DAB2: variants seen among roughly 807,000 people sequenced by gnomAD.
DAB2 encodes the protein disabled homolog 2.
Under a neutral mutation model 71.6 loss-of-function variants are expected in DAB2, and 28 were observed. The ratio of observed to expected loss-of-function variants is 0.39; its 90% CI spans 0.29 to 0.54. The LOEUF is 0.54. DAB2 is among the 20% of genes least tolerant of loss of function. The probability of loss-of-function intolerance (pLI) is 0.68; values close to 1 mark genes in which losing one functional copy is unlikely to be tolerated. For synonymous variants in DAB2, 345 were observed against 339.7 expected (o/e 1.02, Z -0.17); for missense variants, 867 against 928.8 (o/e 0.93, Z 0.86).
At chr5:39,401,730 G>GTTATTTATTTATTTATTTATTTAT (rs55909785) in intron 1 of DAB2, among the ~76,000 whole-genome samples, 7 of 141,196 alleles carry the variant, frequency 5.0e-5, no homozygotes, top group South Asian at 2.3e-4. Flanking sequence ...CTGAGACTGG[G>GTTATTTATTTATTTATTTATTTAT]TTATTTATTT....
In DAB2 at chr5:39,372,777, A is replaced by G. The variant is rs1754731256; in HGVS notation, c.*654T>C. 4 of 152,176 alleles carry G rather than the reference A, an allele frequency of 2.6e-5. No homozygotes were observed. The South Asian group carries it at 8.3e-4, about 32-fold the overall frequency. The allele number at this position is 152,176 out of a possible 1,614,324, so 9.4% of individuals were successfully genotyped here. A position where few individuals can be genotyped will look rare whatever the true frequency, so the allele number is the denominator to read the frequency against. On this transcript the variant is annotated 3_prime_UTR_variant, in exon 15 of 15. Transcript: ENST00000320816. ...TGTTCTTCCCTCATTTGCAATAGCT[A>G]GCAAGAAATGGGAGAAAAGGACAAT...
At chr5:39,409,233 T>C (rs914339777) in intron 1 of DAB2, among the ~76,000 whole-genome samples, 10 of 152,172 alleles carry the variant, frequency 6.6e-5, no homozygotes, top group Admixed American at 5.9e-4. Context: ...ACATCTGTCA[T>C]TATTCTCTCA....
At chr5:39,398,338 G>A (rs1003230001) in intron 1 of DAB2, among the ~76,000 whole-genome samples, 1 of 152,028 alleles carries the variant, frequency 6.6e-6, no homozygotes, top group African/African-American at 2.4e-5. Context: ...TAAGGTGAGT[G>A]GCATTACCTT....
chr5:39,403,168 G>A (rs1755539732), intron 1 of DAB2, among the ~76,000 whole-genome samples: 1 of 152,110 alleles, frequency 6.6e-6, no homozygotes. Context: ...ACTTGAGCTG[G>A]AAGAAAAATA....
intron 1 of DAB2, among the ~76,000 whole-genome samples, chr5:39,405,962 G>A (rs1465606566): frequency 6.6e-6 from 1 of 152,166 alleles, no homozygotes; most frequent in Non-Finnish European, 1.5e-5. Context: ...TGAAACCATT[G>A]TTCTGGGAAA....
intron 1 of DAB2, chr5:39,417,430 T>A (rs1280217637): frequency 1.3e-5 from 2 of 152,170 alleles, no homozygotes; most frequent in Non-Finnish European, 2.9e-5. Context: ...CCAGTCAGAG[T>A]TCTTTAGGCA....
At chr5:39,392,335 A>G (rs1755252206) in intron 4 of DAB2, 30 bp downstream of exon 4, 1 of 1,542,838 alleles carries the variant, frequency 6.5e-7, no homozygotes, top group Non-Finnish European at 9.0e-7. Flanking sequence ...TCAGGTGGTC[A>G]GAGAGGTATC....
chr5:39,399,140 A>G (rs978079860), intron 1 of DAB2, among the ~76,000 whole-genome samples: 2 of 152,174 alleles, frequency 1.3e-5, no homozygotes, highest in Admixed American at 6.5e-5. Flanking sequence ...GATGGTAAAA[A>G]TTTCTTACAA....
chr5:39,401,226 A>G (rs759688274), intron 1 of DAB2, among the ~76,000 whole-genome samples: 2 of 152,236 alleles, frequency 1.3e-5, no homozygotes, highest in Admixed American at 6.5e-5. Flanking sequence ...AGTCCTTAGA[A>G]GATTTTCTTG....
At chr5:39,403,795 A>C (rs1211694080) in intron 1 of DAB2, among the ~76,000 whole-genome samples, 3 of 150,468 alleles carry the variant, frequency 2.0e-5, no homozygotes, top group Non-Finnish European at 3.0e-5. Context: ...ACTCATTATA[A>C]CCCATCCTAA....
At position 39,374,093 on chromosome 5, in the gene DAB2, C is replaced by T. The variant is rs3776521; in HGVS notation, c.*6-668G>A. Among the ~76,000 whole-genome samples, 28 of 152,146 alleles carry T rather than the reference C, an allele frequency of 1.8e-4. No homozygotes were observed. The East Asian group carries it at 3.3e-3, about 18-fold the overall frequency. The stretch of plus-strand genomic sequence containing the variant: ...CCTATAAGCTCAATCTTATTGTTTT[C>T]GCCACGTTTAAGATATCTATCTATT... On this transcript the variant is annotated intron_variant, in intron 14 of 14. Transcript: ENST00000320816.
intron 4 of DAB2, among the ~76,000 whole-genome samples, chr5:39,391,907 T>C (rs1755235805): frequency 6.7e-6 from 1 of 149,354 alleles, no homozygotes; most frequent in Non-Finnish European, 1.5e-5. Flanking sequence ...ATGTAAGCAA[T>C]ACATAAAAGT....
At chr5:39,382,143 TAGAAA>T (rs1754995115) in intron 10 of DAB2, among the ~76,000 whole-genome samples, 1 of 152,096 alleles carries the variant, frequency 6.6e-6, no homozygotes, top group East Asian at 1.9e-4. Flanking sequence ...TACATAAGCT[TAGAAA>T]AAGCTTATGT....
chr5:39,385,944 C>A lies in DAB2; in HGVS notation c.687+2361G>T, dbSNP rs185434638. On this transcript the variant is annotated intron_variant, in intron 9 of 14. Transcript: ENST00000320816. ...AGATTCTTTACAAAGCTTTTAGCAT[C>A]GATTTTTCTGTCTGCACTTGCCCTG... 2.7e-3 allele frequency among the ~76,000 whole-genome samples: 413 copies of A among 152,310 alleles called. 7 individuals are homozygous for A. Among genetic ancestry groups the A allele is most frequent in the Admixed American group, 0.025 (375 of 15,296 alleles).
At chr5:39,411,568 CAT>C (rs1318683401) in intron 1 of DAB2, among the ~76,000 whole-genome samples, 2 of 152,238 alleles carry the variant, frequency 1.3e-5, no homozygotes, top group South Asian at 2.1e-4. Context: ...TCCATGGTAA[CAT>C]GTGCTATTTT....
At chr5:39,377,333 T>G in intron 11 of DAB2, 51 bp from the exon 12 acceptor site, 1 of 1,554,368 alleles carries the variant, frequency 6.4e-7, no homozygotes. Context: ...TTGAAGAAGA[T>G]TCTTGAATTT....
chr5:39,387,213 T>C lies in DAB2; in HGVS notation c.687+1092A>G, dbSNP rs375326581. Among the ~76,000 whole-genome samples, 207 of 152,316 alleles carry C rather than the reference T, an allele frequency of 1.4e-3. 10 individuals carry two copies. In the South Asian group the frequency reaches 0.04, roughly 29 times the overall value. On this transcript the variant is annotated intron_variant, in intron 9 of 14. Coordinates refer to ENST00000320816, the MANE Select transcript of DAB2 (RefSeq NM_001343.4). ...GCAGAAGTCTGAAGGGAGAATTTTA[T>C]CCAATCTTTGATCCATTGCTTCAAC...
At chr5:39,395,701 T>C (rs1388760394) in intron 1 of DAB2, among the ~76,000 whole-genome samples, 6 of 152,082 alleles carry the variant, frequency 3.9e-5, no homozygotes, top group Non-Finnish European at 8.8e-5. Context: ...ATTTGGAGAT[T>C]TAGTAGTTAA....
Position 39,383,225 on chromosome 5 carries a change from G to A in DAB2, c.734C>T (p.Thr245Ile). ...LLVDLNSEID[T>I]NQNSLRENPF... is the part of the protein sequence containing the mutation. ...ATTTTCTCTTAAAGAATTCTGATTG[G>A]TGTCGATTTCAGAGTTTAGATCCAC... The change falls in exon 10 of 15, where the codon ACC (threonine) becomes ATC (isoleucine). Residue 245 changes from threonine (T) to isoleucine (I), a missense_variant. Transcript: ENST00000320816. 6.2e-7 allele frequency: 1 copy of A among 1,613,658 alleles called. No individual in the cohort carries two copies. Among genetic ancestry groups the A allele is most frequent in the Non-Finnish European group, 8.5e-7 (1 of 1,179,768 alleles).
Sources: gnomAD v4.1 joint callset for allele counts (sites outside exome capture counted in the v4.1 genomes callset) on GRCh38, gnomAD v4.1.1 for gene constraint, MANE v1.5 for transcripts, NCBI Gene and HGNC (gene_info 2026-07-23, HGNC 2026-07-21) for gene names.